Variants in CHD7 observed in about 807,000 individuals in gnomAD.
CHD7 encodes the protein ATP-dependent chromatin remodeler CHD7.
A neutral mutation model predicts 307.3 loss-of-function variants in CHD7; 24 were observed. That is an observed-to-expected ratio of 0.08 (90% CI 0.06 to 0.11). CHD7 has a LOEUF of 0.11. Among genes scored for constraint, CHD7 ranks in the 10% least tolerant of loss-of-function variants. The pLI is 1.00. For missense variants in CHD7, 3,106 were observed against 3,727.1 expected (o/e 0.83, Z 4.34); for synonymous variants, 1,363 against 1,349.9 (o/e 1.01, Z -0.21).
chr8:60,741,926 C>T lies in CHD7; in HGVS notation c.494C>T (p.Pro165Leu), dbSNP rs1809046805. 6.2e-7 allele frequency: 1 copy of T among 1,613,022 alleles called. No homozygotes were observed. Among genetic ancestry groups the T allele is most frequent in the South Asian group, 1.1e-5 (1 of 91,022 alleles). ...QIRAPYQQQQ[P>L]QPQPPQPAPS... ...CGAGCCCCCTACCAGCAGCAGCAGC[C>T]ACAGCCGCAGCCACCGCAGCCGGCT... Residue 165 changes from proline to leucine, a missense_variant, in exon 2 of 38, where the codon CCA becomes CTA. Around this residue, in one of 10 missense-constraint regions of CHD7, gnomAD observed 998 missense variants for 1,004.5 expected, o/e 0.99. Transcript: ENST00000423902.
intron 31 of CHD7, 98 bp from the exon 32 acceptor site, chr8:60,854,265 G>A: frequency 9.7e-7 from 1 of 1,027,614 alleles, no homozygotes. Context: ...TCAATAAAAT[G>A]GAGCTGATTA....
intron 2 of CHD7, among the ~76,000 whole-genome samples, chr8:60,760,612 T>C (rs1432902418): frequency 6.7e-6 from 1 of 148,578 alleles, no homozygotes; most frequent in African/African-American, 2.5e-5. Flanking sequence ...AGGGCTAATA[T>C]CCAGAATCTA....
In CHD7 at chr8:60,741,584, A is replaced by G. The variant is rs1809015487; in HGVS notation, c.152A>G (p.Gln51Arg). The change falls in exon 2 of 38, where the codon CAG becomes CGG. Residue 51 changes from glutamine to arginine, a missense_variant. Physicochemically the swap from Gln to Arg is conservative, Grantham distance 43. Around this residue, in one of 10 missense-constraint regions of CHD7, gnomAD observed 998 missense variants for 1,004.5 expected, o/e 0.99. Transcript: ENST00000423902. ...ATAGACCAAGGCTTTGCCTCTTTAC[A>G]GCCATCCCTTCATCATCCTTCAACT... is the stretch of plus-strand genomic sequence containing the variant. Reference protein sequence around the residue: ...MPIDQGFASLQPSLHHPSTNQ... With the variant: ...MPIDQGFASLRPSLHHPSTNQ... 6.2e-7 allele frequency: 1 copy of G among 1,613,804 alleles called. No homozygotes were observed. Among genetic ancestry groups the G allele is most frequent in the East Asian group, 2.2e-5 (1 of 44,882 alleles).
intron 1 of CHD7, among the ~76,000 whole-genome samples, chr8:60,690,044 A>G (rs1413445258): frequency 1.3e-5 from 2 of 152,166 alleles, no homozygotes; most frequent in African/African-American, 4.8e-5. Flanking sequence ...TCCGTGAGAT[A>G]TTTGCATACT....
intron 2 of CHD7, among the ~76,000 whole-genome samples, chr8:60,762,991 T>TG (rs971081265): frequency 6.1e-5 from 8 of 130,138 alleles, no homozygotes; most frequent in African/African-American, 1.7e-4. Context: ...CGAGGGTTGG[T>TG]GGGGGGGCGG....
intron 2 of CHD7, among the ~76,000 whole-genome samples, chr8:60,749,488 G>A (rs1443025247): frequency 2.6e-5 from 4 of 151,730 alleles, no homozygotes; most frequent in African/African-American, 9.7e-5. Flanking sequence ...ACGTATGCAG[G>A]TTGTAATCAG....
At chr8:60,842,745 T>C (rs1805028659) in intron 21 of CHD7, among the ~76,000 whole-genome samples, 1 of 152,206 alleles carries the variant, frequency 6.6e-6, no homozygotes, top group Non-Finnish European at 1.5e-5. Context: ...TGACGTCCTG[T>C]CTTGGATGAT....
Position 60,856,529 on chromosome 8 carries a change from A to C in CHD7, c.7249A>C (p.Arg2417=). 1.2e-6 allele frequency: 2 copies of C among 1,614,002 alleles called. No homozygotes were observed. Among genetic ancestry groups the C allele is most frequent in the Non-Finnish European group, 8.5e-7 (1 of 1,179,900 alleles). ...IEIEAERAAK[R]RNLMEMVAQL... is the part of the protein sequence containing the mutation. Reference sequence around the variant, plus strand: ...AATTGAGGCCGAAAGAGCTGCCAAGAGGCGAAATCTCATGGAGATGGTTGC... The same window carrying C: ...AATTGAGGCCGAAAGAGCTGCCAAGCGGCGAAATCTCATGGAGATGGTTGC... Residue 2417 remains arginine (R), a synonymous_variant, in exon 34 of 38, where the codon AGG becomes CGG. Coordinates refer to ENST00000423902, the MANE Select transcript of CHD7 (RefSeq NM_017780.4).
rs1803818499 is a variant in CHD7 at position 60,817,834 on chromosome 8, A to G, written c.2613+1333A>G. 2.0e-5 allele frequency among the ~76,000 whole-genome samples: 3 copies of G among 152,130 alleles called. No individual in the cohort carries two copies. The South Asian group carries it at 6.2e-4, about 32-fold the overall frequency. On this transcript the variant is annotated intron_variant, in intron 8 of 37. Transcript: ENST00000423902. ...ATCATTAGCCTCCTTTTAGAAAGAG[A>G]CACCCTGTGTTCTGCTGACCTTTTC...
At chr8:60,853,594 G>A (rs1278787534) in intron 31 of CHD7, 94 bp downstream of exon 31, 2 of 967,134 alleles carry the variant, frequency 2.1e-6, no homozygotes, top group South Asian at 2.2e-5. Flanking sequence ...TCTTTTTCAC[G>A]AGTACTTAGT....
chr8:60,838,213 C>T lies in CHD7; in HGVS notation c.4491C>T (p.Thr1497=), dbSNP rs1804822338. 1.2e-6 allele frequency: 2 copies of T among 1,604,088 alleles called. No individual in the cohort carries two copies. Among genetic ancestry groups the T allele is most frequent in the South Asian group, 2.3e-5 (2 of 88,728 alleles). The part of the protein sequence containing the change: ...IDQILLRRTH[T]ITIESEGKGS... ...AGATCCTCCTACGTCGAACCCACAC[C>T]ATTACCATTGAGTCAGAAGGGAAAG... The change falls in exon 19 of 38, where the codon ACC becomes ACT. Residue 1497 remains threonine, a synonymous_variant. Transcript: ENST00000423902.
intron 2 of CHD7, among the ~76,000 whole-genome samples, chr8:60,773,154 G>C (rs1044150487): frequency 1.4e-5 from 2 of 145,872 alleles, no homozygotes; most frequent in Non-Finnish European, 3.0e-5. Flanking sequence ...GCTGCCTCAG[G>C]GGGGTACCCC....
At chr8:60,817,014 A>G (rs1457206268) in intron 8 of CHD7, among the ~76,000 whole-genome samples, 3 of 152,198 alleles carry the variant, frequency 2.0e-5, no homozygotes, top group African/African-American at 7.2e-5. Context: ...CCTTTATCCC[A>G]GGTATCAGTA....
intron 2 of CHD7, among the ~76,000 whole-genome samples, chr8:60,775,365 C>CTTTATATAAG (rs559650642): frequency 6.6e-6 from 1 of 151,338 alleles, no homozygotes; most frequent in South Asian, 2.1e-4. Context: ...CTACTTTATT[C>CTTTATATAAG]CTACCAGTAA....
At chr8:60,844,423 A>G (rs1288738991) in intron 21 of CHD7, among the ~76,000 whole-genome samples, 3 of 152,190 alleles carry the variant, frequency 2.0e-5, no homozygotes, top group African/African-American at 7.2e-5. Flanking sequence ...ATGCGGCCAT[A>G]CTGCTCAGCA....
rs1811774675 is a variant in CHD7 at position 60,791,603 on chromosome 8, C to G, written c.2097-3383C>G. Among the ~76,000 whole-genome samples, 3 of 152,094 alleles carry G rather than the reference C, an allele frequency of 2.0e-5. No homozygotes were observed. In the South Asian group the frequency reaches 6.2e-4, roughly 32 times the overall value. On this transcript the variant is annotated intron_variant, in intron 3 of 37. Transcript: ENST00000423902. ...GACATTATAAAAGACTAGTTTTGAC[C>G]CTTACGGATATAAATGATAACTATG...
chr8:60,828,546 T>C, intron 13 of CHD7, 117 bp from the exon 14 acceptor site: 1 of 921,230 alleles, frequency 1.1e-6, no homozygotes. Context: ...CTGATTCCTA[T>C]ACTTTGCATA....
At chr8:60,828,899 A>T in intron 14 of CHD7, 93 bp downstream of exon 14, 1 of 1,222,622 alleles carries the variant, frequency 8.2e-7, no homozygotes, top group Non-Finnish European at 1.2e-6. Context: ...GTGTGATTAT[A>T]TTACAGTTTT....
At chr8:60,850,649 T>C in intron 26 of CHD7, 27 bp downstream of exon 26, 1 of 1,590,312 alleles carries the variant, frequency 6.3e-7, no homozygotes, top group Non-Finnish European at 8.6e-7. Context: ...AAAATTTGAA[T>C]AAACTTTATG....
Sources: allele counts gnomAD v4.1 joint callset (sites outside exome capture counted in the v4.1 genomes callset), GRCh38; gene constraint gnomAD v4.1.1; regional missense constraint gnomAD v4.1.1; transcripts MANE v1.5; gene names NCBI Gene and HGNC (gene_info 2026-07-23, HGNC 2026-07-21).